DGKB: variants seen among roughly 807,000 people sequenced by gnomAD.
DGKB encodes the protein 90 kDa diacylglycerol kinase.
DGKB carries 67 observed loss-of-function variants against 114.3 expected under a neutral mutation model. That is an observed-to-expected ratio of 0.59 (90% CI 0.48 to 0.72). The LOEUF is 0.72. DGKB is among the 30% of genes least tolerant of loss of function. The pLI, the probability that DGKB is intolerant of heterozygous loss-of-function variation, is 0.00. For missense variants in DGKB, 907 were observed against 975.2 expected (o/e 0.93, Z 0.93); for synonymous variants, 398 against 323.1 (o/e 1.23, Z -2.49).
chr7:14,387,345 G>A lies in DGKB; in HGVS notation c.1836-41954C>T, dbSNP rs192376009. ...GGAGAATTGCTTGAATCAGGGAGTC[G>A]GAGGCTGCAGTCAGCTGAGACGGCA... On this transcript the variant is annotated intron_variant, in intron 21 of 25. Transcript: ENST00000402815. Among the ~76,000 whole-genome samples, 654 of 150,080 alleles carry A rather than the reference G, an allele frequency of 4.4e-3. 1 individual carries two copies. Among genetic ancestry groups the A allele is most frequent in the Non-Finnish European group, 7.3e-3 (495 of 67,706 alleles).
rs1244767075 is a variant in DGKB at position 14,314,835 on chromosome 7, T to C, written c.2122+23680A>G. On this transcript the variant is annotated intron_variant, in intron 23 of 25. Coordinates refer to ENST00000402815, the MANE Select transcript of DGKB (RefSeq NM_001350709.2). ...AACTCCAAGACACATAATTGTCAGA[T>C]TCACCAAAGATGAAATGAAGGAAAA... Among the ~76,000 whole-genome samples, 7 of 151,646 alleles carry C rather than the reference T, an allele frequency of 4.6e-5. No individual in the cohort carries two copies. The South Asian group carries it at 1.3e-3, about 27-fold the overall frequency.
chr7:14,555,591 C>A (rs1795756555), intron 20 of DGKB, among the ~76,000 whole-genome samples: 1 of 152,118 alleles, frequency 6.6e-6, no homozygotes, highest in South Asian at 2.1e-4. Flanking sequence ...GCAACTCCAT[C>A]TAGAATAGGA....
intron 1 of DGKB, among the ~76,000 whole-genome samples, chr7:14,895,373 T>A (rs1781935605): frequency 6.6e-6 from 1 of 151,580 alleles, no homozygotes; most frequent in Admixed American, 6.6e-5. Flanking sequence ...AGACCAGGTC[T>A]ACAATGAAAA....
At chr7:14,647,320 A>C (rs918118324) in intron 13 of DGKB, among the ~76,000 whole-genome samples, 1 of 152,148 alleles carries the variant, frequency 6.6e-6, no homozygotes, top group African/African-American at 2.4e-5. Flanking sequence ...AGAAATAAAA[A>C]GTCTCCCAAA....
In DGKB at chr7:14,456,701, CA is replaced by C. The variant is rs146411439; in HGVS notation, c.1835+21459del. 7.6e-3 allele frequency among the ~76,000 whole-genome samples: 1,150 copies of C among 152,052 alleles called. 14 individuals are homozygous for C. Among genetic ancestry groups the C allele is most frequent in the African/African-American group, 0.027 (1,108 of 41,526 alleles). On this transcript the variant is annotated intron_variant, in intron 21 of 25. Coordinates refer to ENST00000402815, the MANE Select transcript of DGKB (RefSeq NM_001350709.2). The stretch of plus-strand genomic sequence containing the variant: ...AGCTGTATTCACTTAAAAGTTTACA[CA>C]AAAATATTTTACCATTTGTAATTGT...
chr7:14,883,112 GT>G (rs1854489202), intron 1 of DGKB, among the ~76,000 whole-genome samples: 1 of 151,928 alleles, frequency 6.6e-6, no homozygotes, highest in African/African-American at 2.4e-5. Context: ...CATTATTACA[GT>G]GGAGTACTTG....
intron 2 of DGKB, among the ~76,000 whole-genome samples, chr7:14,826,547 A>G (rs1845731092): frequency 6.6e-6 from 1 of 152,112 alleles, no homozygotes; most frequent in South Asian, 2.1e-4. Flanking sequence ...TTTTTATTAT[A>G]ATGATCACCT....
At chr7:14,364,780 C>A (rs1816365550) in intron 21 of DGKB, among the ~76,000 whole-genome samples, 1 of 152,006 alleles carries the variant, frequency 6.6e-6, no homozygotes, top group African/African-American at 2.4e-5. Flanking sequence ...CAATAACCAT[C>A]TGCACTCATG....
chr7:14,547,247 C>T (rs1480092734), intron 20 of DGKB, among the ~76,000 whole-genome samples: 1 of 152,152 alleles, frequency 6.6e-6, no homozygotes, highest in Non-Finnish European at 1.5e-5. Flanking sequence ...AAACCTGCTA[C>T]ATCCTGTGCC....
intron 21 of DGKB, among the ~76,000 whole-genome samples, chr7:14,453,220 A>G (rs1314721477): frequency 6.6e-6 from 1 of 152,154 alleles, no homozygotes. Flanking sequence ...AGGGTCACCC[A>G]GTTACTAAGT....
intron 1 of DGKB, among the ~76,000 whole-genome samples, chr7:14,920,439 C>A (rs1211602423): frequency 6.6e-6 from 1 of 152,026 alleles, no homozygotes; most frequent in African/African-American, 2.4e-5. Context: ...ATTATAAGAA[C>A]AATAAGGTGC....
In DGKB at chr7:14,825,827, T is replaced by A. The variant is rs150263883; in HGVS notation, c.70+15367A>T. Among the ~76,000 whole-genome samples the A allele has an allele frequency of 2.8e-4, 43 of 152,268 alleles. 1 individual carries two copies. The East Asian group carries it at 7.3e-3, about 26-fold the overall frequency. On this transcript the variant is annotated intron_variant, in intron 2 of 25. Coordinates refer to ENST00000402815, the MANE Select transcript of DGKB (RefSeq NM_001350709.2). ...TCCCTTCCTTAAAATTAACTCTCTA[T>A]GCAAAACAAAACTACAAGTGAGCTC...
chr7:14,328,589 A>G (rs1809165823), intron 23 of DGKB, among the ~76,000 whole-genome samples: 1 of 152,014 alleles, frequency 6.6e-6, no homozygotes. Flanking sequence ...CTCAACGAGG[A>G]GCAATCTTTC....
chr7:14,814,674 C>A (rs17168457), intron 2 of DGKB, among the ~76,000 whole-genome samples: 3 of 152,022 alleles, frequency 2.0e-5, no homozygotes, highest in African/African-American at 7.2e-5. Context: ...AACTGACAAA[C>A]GTTATTTTTC....
chr7:14,797,451 A>T (rs574550105), intron 2 of DGKB, among the ~76,000 whole-genome samples: 4 of 152,330 alleles, frequency 2.6e-5, no homozygotes, highest in African/African-American at 7.2e-5. Flanking sequence ...CAAGATGCTT[A>T]TCCAGAAGGG....
Position 14,684,619 on chromosome 7 carries a change from T to C in DGKB, c.829+626A>G, listed in dbSNP as rs574791754. On this transcript the variant is annotated intron_variant, in intron 10 of 25. Transcript: ENST00000402815. The stretch of plus-strand genomic sequence containing the variant: ...GCAGACCTGAGTTAACAGAATAAAA[T>C]GAAAATTGCAAAGATGGGTGAACTG... Among the ~76,000 whole-genome samples, 16 of 152,240 alleles carry C rather than the reference T, an allele frequency of 1.1e-4. No individual in the cohort carries two copies. In the South Asian group the frequency reaches 3.1e-3, roughly 30 times the overall value.
intron 23 of DGKB, among the ~76,000 whole-genome samples, chr7:14,302,281 G>C (rs1803696526): frequency 6.6e-6 from 1 of 152,008 alleles, no homozygotes; most frequent in Non-Finnish European, 1.5e-5. Context: ...GAGAACATAA[G>C]AAAATCTTCT....
intron 4 of DGKB, among the ~76,000 whole-genome samples, chr7:14,745,304 G>A (rs905514149): frequency 1.3e-4 from 20 of 152,172 alleles, no homozygotes; most frequent in African/African-American, 3.6e-4. Flanking sequence ...ATAGGCTTTC[G>A]AGAGAGTTAT....
In DGKB at chr7:14,392,995, G is replaced by GTTTTTGTTTTTTTTTTGTTTTT; in HGVS notation, c.1836-47605_1836-47604insAAAAACAAAAAAAAAACAAAAA. Among the ~76,000 whole-genome samples the GTTTTTGTTTTTTTTTTGTTTTT allele has an allele frequency of 6.6e-5, 4 of 60,546 alleles. 1 individual carries two copies. The highest frequency in any genetic ancestry group is 1.4e-4 in the Non-Finnish European group (4 of 29,028). 39.7% of individuals were successfully genotyped at this position (60,546 alleles called of 152,430 possible). A position where few individuals can be genotyped will look rare whatever the true frequency, so the allele number is the denominator to read the frequency against. Reference sequence around the variant, plus strand: ...CAAAACAGACCTGTTTTTTGTTTTTGTTTTTTTTTTTTTGAGACGGAGTCT... The same window carrying GTTTTTGTTTTTTTTTTGTTTTT: ...CAAAACAGACCTGTTTTTTGTTTTTGTTTTTGTTTTTTTTTTGTTTTTTTTTTTTTTTTTTGAGACGGAGTCT... On this transcript the variant is annotated intron_variant, in intron 21 of 25. Coordinates refer to ENST00000402815, the MANE Select transcript of DGKB (RefSeq NM_001350709.2).
Sources: gnomAD v4.1 joint callset for allele counts (sites outside exome capture counted in the v4.1 genomes callset) on GRCh38, gnomAD v4.1.1 for gene constraint, MANE v1.5 for transcripts, NCBI Gene and HGNC (gene_info 2026-07-23, HGNC 2026-07-21) for gene names.